EPHA5: variants seen among roughly 807,000 people sequenced by gnomAD.
The protein encoded by EPHA5 is ephrin type-A receptor 5.
A neutral mutation model predicts 105.0 loss-of-function variants in EPHA5; 60 were observed. That is an observed-to-expected ratio of 0.57 (90% CI 0.46 to 0.71). The LOEUF (loss-of-function observed/expected upper bound fraction) is 0.71, where lower values mean the gene tolerates loss of function less well. EPHA5 is among the 30% of genes least tolerant of loss of function. The probability of loss-of-function intolerance (pLI) is 0.00; values close to 1 mark genes in which losing one functional copy is unlikely to be tolerated. For missense variants in EPHA5, 1,218 were observed against 1,274.7 expected (o/e 0.96, Z 0.68); for synonymous variants, 513 against 449.1 (o/e 1.14, Z -1.80).
At chr4:65,534,761 T>C (rs933862013) in intron 3 of EPHA5, among the ~76,000 whole-genome samples, 1 of 152,236 alleles carries the variant, frequency 6.6e-6, no homozygotes, top group Non-Finnish European at 1.5e-5. Context: ...AATGTTCATA[T>C]CTTTGAGTTT....
chr4:65,446,975 A>AT (rs397993760), intron 5 of EPHA5, among the ~76,000 whole-genome samples: 4,605 of 112,924 alleles, frequency 0.041, 149 homozygotes, highest in African/African-American at 0.07. Context: ...TTAAAAGCTC[A>AT]TTTTTTTTTT....
intron 5 of EPHA5, among the ~76,000 whole-genome samples, chr4:65,433,401 C>T (rs143816953): frequency 1.3e-5 from 2 of 152,278 alleles, no homozygotes; most frequent in East Asian, 1.9e-4. Flanking sequence ...ATTGGATATT[C>T]GCTTAGAATG....
chr4:65,376,980 G>C (rs780740196), intron 8 of EPHA5: 1 of 1,596,292 alleles, frequency 6.3e-7, no homozygotes, highest in South Asian at 1.1e-5. Flanking sequence ...AGGAGTGAAA[G>C]TGGGAGGGAA....
chr4:65,401,926 AG>A, intron 8 of EPHA5, among the ~76,000 whole-genome samples: 1 of 151,934 alleles, frequency 6.6e-6, no homozygotes, highest in East Asian at 1.9e-4. Flanking sequence ...AGAGAGAGAG[AG>A]AGAGAAAGAG....
chr4:65,348,308 T>C, intron 13 of EPHA5, 105 bp from the exon 14 acceptor site: 1 of 1,034,686 alleles, frequency 9.7e-7, no homozygotes, highest in East Asian at 2.6e-5. Context: ...CATTTTTAAG[T>C]GAATCTGTTT....
Position 65,332,076 on chromosome 4 carries a change from A to G in EPHA5, c.2842T>C (p.Ser948Pro), listed in dbSNP as rs1720672732. Residue 948 changes from serine (S) to proline (P), a missense_variant, in exon 16 of 17, where the codon TCA becomes CCA. Ser to Pro is a moderately conservative substitution (Grantham distance 74). This residue lies in a region of EPHA5 where 971 missense variants were observed against 1,013.5 expected (regional missense o/e 0.96). Coordinates refer to ENST00000613740, the MANE Select transcript of EPHA5 (RefSeq NM_001281766.3). Reference protein sequence around the residue: ...HSPLGSGAYRSVGEWLEAIKM... With the variant: ...HSPLGSGAYRPVGEWLEAIKM... ...ATTGCCTCTAGCCATTCACCTACTG[A>G]TCTGTAGGCCCCAGATCCTAGTGGG... 1 of 1,611,546 alleles carries G rather than the reference A, an allele frequency of 6.2e-7. No individual in the cohort carries two copies. The highest frequency in any genetic ancestry group is 1.7e-5 in the Admixed American group (1 of 59,696).
At chr4:65,344,627 C>T (rs865824877) in intron 14 of EPHA5, among the ~76,000 whole-genome samples, 1 of 152,050 alleles carries the variant, frequency 6.6e-6, no homozygotes, top group Non-Finnish European at 1.5e-5. Flanking sequence ...TATCAAGGCT[C>T]GCTGCCAGGA....
intron 3 of EPHA5, among the ~76,000 whole-genome samples, chr4:65,558,750 T>C (rs1180972948): frequency 6.6e-6 from 1 of 152,100 alleles, no homozygotes; most frequent in Non-Finnish European, 1.5e-5. Flanking sequence ...ATTTTCATTT[T>C]ACAAAAAATA....
At chr4:65,602,377 A>T (rs1480754279) in intron 2 of EPHA5, 73 bp from the exon 3 acceptor site, 1 of 1,234,418 alleles carries the variant, frequency 8.1e-7, no homozygotes, top group African/African-American at 1.5e-5. Flanking sequence ...AGCAAAAATT[A>T]TAAAAGAAAA....
chr4:65,378,720 C>CTAA (rs1719257331), intron 8 of EPHA5, among the ~76,000 whole-genome samples: 1 of 151,898 alleles, frequency 6.6e-6, no homozygotes, highest in East Asian at 1.9e-4. Flanking sequence ...CGTTTGCCCT[C>CTAA]CTTTGTTAGA....
intron 8 of EPHA5, among the ~76,000 whole-genome samples, chr4:65,369,469 G>A (rs967829695): frequency 2.0e-5 from 3 of 152,012 alleles, no homozygotes; most frequent in African/African-American, 4.8e-5. Context: ...TACAAAATTG[G>A]TTGAGAACTA....
intron 5 of EPHA5, among the ~76,000 whole-genome samples, chr4:65,462,229 A>C (rs1229065054): frequency 6.6e-6 from 1 of 152,192 alleles, no homozygotes; most frequent in East Asian, 1.9e-4. Flanking sequence ...CTACTAGCTA[A>C]ATACAAGTTT....
intron 1 of EPHA5, among the ~76,000 whole-genome samples, chr4:65,661,926 T>A (rs1749590943): frequency 6.6e-6 from 1 of 152,160 alleles, no homozygotes; most frequent in Middle Eastern, 3.2e-3. Context: ...AATATATAAC[T>A]GGGTTTGACA....
At chr4:65,381,403 T>C (rs1475215726) in intron 8 of EPHA5, among the ~76,000 whole-genome samples, 1 of 151,798 alleles carries the variant, frequency 6.6e-6, no homozygotes, top group Non-Finnish European at 1.5e-5. Flanking sequence ...TTCATTGCAT[T>C]ATGGAAAAAT....
At chr4:65,390,946 G>A (rs994266355) in intron 8 of EPHA5, among the ~76,000 whole-genome samples, 5 of 151,952 alleles carry the variant, frequency 3.3e-5, no homozygotes, top group African/African-American at 1.2e-4. Flanking sequence ...GCTGGAGACC[G>A]GGTAATTTAT....
chr4:65,663,543 T>G (rs544026217), intron 1 of EPHA5, among the ~76,000 whole-genome samples: 21 of 152,192 alleles, frequency 1.4e-4, no homozygotes, highest in African/African-American at 5.1e-4. Context: ...TTATGTATCT[T>G]ATAGCACTTT....
chr4:65,390,633 G>A (rs970873911), intron 8 of EPHA5, among the ~76,000 whole-genome samples: 1 of 151,986 alleles, frequency 6.6e-6, no homozygotes, highest in Non-Finnish European at 1.5e-5. Context: ...TTCCAGTGCC[G>A]AATCTTGCAA....
chr4:65,542,810 T>TGTTCAGTCCAACATCCCTG, intron 3 of EPHA5, among the ~76,000 whole-genome samples: 2 of 151,602 alleles, frequency 1.3e-5, no homozygotes, highest in South Asian at 4.2e-4. Context: ...TGAACATTGA[T>TGTTCAGTCCAACATCCCTG]ATGAAAATCC....
intron 3 of EPHA5, among the ~76,000 whole-genome samples, chr4:65,496,907 A>G (rs1446174326): frequency 7.2e-5 from 11 of 152,186 alleles, no homozygotes; most frequent in Non-Finnish European, 1.5e-4. Context: ...GTGTTTTCTG[A>G]TATTTCTATG....
Sources: gnomAD v4.1 joint callset for allele counts (sites outside exome capture counted in the v4.1 genomes callset) on GRCh38, gnomAD v4.1.1 for gene constraint, gnomAD v4.1.1 regional missense constraint, MANE v1.5 for transcripts, NCBI Gene and HGNC (gene_info 2026-07-23, HGNC 2026-07-21) for gene names.